DDI2: variants seen among roughly 807,000 people sequenced by gnomAD.
DDI2 encodes DDI proteasomal shuttling factor 2.
In DDI2, 5 loss-of-function variants were observed where a neutral mutation model predicts 48.1. That is an observed-to-expected ratio of 0.10 (90% CI 0.05 to 0.22). The LOEUF is 0.22. Among genes scored for constraint, DDI2 ranks in the 10% least tolerant of loss-of-function variants. DDI2 has a pLI of 1.00. For missense variants in DDI2, 285 were observed against 506.2 expected, an observed-to-expected ratio of 0.56 and a Z score of 4.19; for synonymous variants, 205 against 183.6, an observed-to-expected ratio of 1.12 and a Z score of -0.94.
intron 4 of DDI2, among the ~76,000 whole-genome samples, chr1:15,638,005 TTC>T (rs1639953687): frequency 6.6e-6 from 1 of 152,192 alleles, no homozygotes; most frequent in African/African-American, 2.4e-5. Context: ...AATTCTAACA[TTC>T]TGCCAGAAAA....
rs1640405648 is a variant in DDI2, at chr1:15,663,111, T to G, written c.*3321T>G. 6.6e-6 allele frequency: 1 copy of G among 152,192 alleles called. No individual in the cohort carries two copies. The highest frequency in any genetic ancestry group is 1.5e-5 in the Non-Finnish European group (1 of 68,040). The allele number at this position is 152,192 out of a possible 1,614,324, so 9.4% of individuals were successfully genotyped here. A position where few individuals can be genotyped will look rare whatever the true frequency, so the allele number is the denominator to read the frequency against. ...CTAGCAGGAATCTGAAGTCTTGGTTTTATTGAAAAGAATTTTGAGATTCAT... is the reference window on the plus strand; with the variant it reads ...CTAGCAGGAATCTGAAGTCTTGGTTGTATTGAAAAGAATTTTGAGATTCAT... On this transcript the variant is annotated 3_prime_UTR_variant, in exon 10 of 10. Coordinates refer to ENST00000480945, the MANE Select transcript of DDI2 (RefSeq NM_032341.5).
At chr1:15,645,735 TG>T (rs1332111731) in intron 6 of DDI2, among the ~76,000 whole-genome samples, 2 of 152,052 alleles carry the variant, frequency 1.3e-5, no homozygotes, top group Admixed American at 6.6e-5. Flanking sequence ...CCGGGTGTGG[TG>T]GCAAGTGCCG....
intron 4 of DDI2, among the ~76,000 whole-genome samples, chr1:15,637,446 C>CA (rs1639946367): frequency 6.6e-6 from 1 of 152,160 alleles, no homozygotes; most frequent in Admixed American, 6.6e-5. Context: ...ATCTTGGCTG[C>CA]AACCTCCGCC....
intron 4 of DDI2, among the ~76,000 whole-genome samples, chr1:15,636,779 T>G (rs1181020794): frequency 6.6e-6 from 1 of 152,212 alleles, no homozygotes; most frequent in African/African-American, 2.4e-5. Context: ...TTTCTATAAA[T>G]GGGCAGATAG....
At chr1:15,624,056 AT>A (rs368977375) in intron 1 of DDI2, among the ~76,000 whole-genome samples, 1 of 152,028 alleles carries the variant, frequency 6.6e-6, no homozygotes, top group Non-Finnish European at 1.5e-5. Flanking sequence ...CCGTCTCAAA[AT>A]AAATAAATAA....
At position 15,658,753 on chromosome 1, in the gene DDI2, T is replaced by TAA. The variant is rs1483433138; in HGVS notation, c.*47-1084_*47-1083insAA. ...TGGGCAACAAGAGCAAAACACAGTC[T>TAA]TAAAAAAAAAAAAAAATTCTTACAC... On this transcript the variant is annotated intron_variant, in intron 9 of 9. Coordinates refer to ENST00000480945, the MANE Select transcript of DDI2 (RefSeq NM_032341.5). Among the ~76,000 whole-genome samples, 17 of 54,694 alleles carry TAA rather than the reference T, an allele frequency of 3.1e-4. No homozygotes were observed. The African/African-American group carries it at 3.5e-3, about 11-fold the overall frequency. The allele number at this position is 54,694 out of a possible 152,430, so 35.9% of individuals were successfully genotyped here.
rs893873149 is a variant in DDI2 at position 15,664,817 on chromosome 1, T to C, written c.*5027T>C. 3 of 152,258 alleles carry C rather than the reference T, an allele frequency of 2.0e-5. No individual in the cohort carries two copies. The highest frequency in any genetic ancestry group is 4.4e-5 in the Non-Finnish European group (3 of 68,064). 9.4% of individuals were successfully genotyped at this position (152,258 alleles called of 1,614,324 possible). A position where few individuals can be genotyped will look rare whatever the true frequency, so the allele number is the denominator to read the frequency against. On this transcript the variant is annotated 3_prime_UTR_variant, in exon 10 of 10. Coordinates refer to ENST00000480945, the MANE Select transcript of DDI2 (RefSeq NM_032341.5). ...TGAAGTTGGTTCTTGAGCGGAAAGA[T>C]GTGCTTGGTAACCAGACAGCAGCTT...
intron 6 of DDI2, 53 bp from the exon 7 acceptor site, chr1:15,649,667 G>T: frequency 6.4e-7 from 1 of 1,563,314 alleles, no homozygotes; most frequent in Non-Finnish European, 8.7e-7. Context: ...GCGAAACTCC[G>T]TCTCTGTTTT....
rs910215483 is a variant in DDI2, at chr1:15,652,458, G to C, written c.1183+563G>C. ...CTTTGGGAGGCTCCGGAGGGGGGGG[G>C]GGGGGGGCGGATCACCTGAGGTCAG... On this transcript the variant is annotated intron_variant, in intron 8 of 9. Coordinates refer to ENST00000480945, the MANE Select transcript of DDI2 (RefSeq NM_032341.5). Among the ~76,000 whole-genome samples, 24 of 104,260 alleles carry C rather than the reference G, an allele frequency of 2.3e-4. 8 individuals carry two copies. Among genetic ancestry groups the C allele is most frequent in the South Asian group, 4.3e-4 (1 of 2,338 alleles). 68.4% of individuals were successfully genotyped at this position (104,260 alleles called of 152,430 possible). A position where few individuals can be genotyped will look rare whatever the true frequency, so the allele number is the denominator to read the frequency against.
intron 5 of DDI2, among the ~76,000 whole-genome samples, chr1:15,639,988 C>T (rs1435496911): frequency 6.6e-6 from 1 of 151,396 alleles, no homozygotes; most frequent in Non-Finnish European, 1.5e-5. Context: ...CACTGTGCCC[C>T]AGCCTGGGTG....
rs895243196 is a variant in DDI2 at position 15,668,789 on chromosome 1, T to C, written c.*8999T>C. 1.3e-5 allele frequency: 2 copies of C among 152,146 alleles called. No individual in the cohort carries two copies. The highest frequency in any genetic ancestry group is 4.8e-5 in the African/African-American group (2 of 41,446). 9.4% of individuals were successfully genotyped at this position (152,146 alleles called of 1,614,324 possible). A position where few individuals can be genotyped will look rare whatever the true frequency, so the allele number is the denominator to read the frequency against. The stretch of plus-strand genomic sequence containing the variant: ...GAGAGTTGGGAAAACTCTGAGAACT[T>C]AAGGGAACCAAACTCAGGAATCCCA... On this transcript the variant is annotated 3_prime_UTR_variant, in exon 10 of 10. Coordinates refer to ENST00000480945, the MANE Select transcript of DDI2 (RefSeq NM_032341.5).
intron 3 of DDI2, among the ~76,000 whole-genome samples, chr1:15,633,042 A>G (rs1639871552): frequency 6.7e-6 from 1 of 148,968 alleles, no homozygotes; most frequent in Non-Finnish European, 1.5e-5. Flanking sequence ...CCACCCTTGA[A>G]CCCCCATCCA....
Position 15,617,706 on chromosome 1 carries a change from C to T in DDI2, c.36C>T (p.Leu12=), listed in dbSNP as rs1188958742. 2.5e-6 allele frequency: 4 copies of T among 1,610,138 alleles called. No homozygotes were observed. The highest frequency in any genetic ancestry group is 1.7e-4 in the Middle Eastern group (1 of 6,010). ...LLTVYCVRRD[L]SEVTFSLQVD... is the part of the protein sequence containing the mutation. ...CCGTGTACTGTGTGCGGAGGGACCT[C>T]TCCGAGGTGACCTTTTCCCTCCAGG... is the stretch of plus-strand genomic sequence containing the variant. Residue 12 remains leucine (L), a synonymous_variant, in exon 1 of 10, where the codon CTC becomes CTT. Transcript: ENST00000480945.
chr1:15,631,779 TAG>T (rs1639847092), intron 3 of DDI2, among the ~76,000 whole-genome samples: 1 of 152,106 alleles, frequency 6.6e-6, no homozygotes, highest in Non-Finnish European at 1.5e-5. Context: ...TATGGAATAA[TAG>T]AGTGTCTGCT....
In DDI2 at chr1:15,668,421, C is replaced by CA. The variant is rs1435819784; in HGVS notation, c.*8632dup. 1.3e-5 allele frequency: 2 copies of CA among 152,150 alleles called. No individual in the cohort carries two copies. Among genetic ancestry groups the CA allele is most frequent in the African/African-American group, 4.8e-5 (2 of 41,408 alleles). The allele number at this position is 152,150 out of a possible 1,614,324, so 9.4% of individuals were successfully genotyped here. A position where few individuals can be genotyped will look rare whatever the true frequency, so the allele number is the denominator to read the frequency against. On this transcript the variant is annotated 3_prime_UTR_variant, in exon 10 of 10. Transcript: ENST00000480945. ...TTTGAAATAGTTCTAGTGATAAACT[C>CA]AGAGAAATTCAATATATTGATTGAA...
In DDI2 at chr1:15,661,406, CTT is replaced by C. The variant is rs769394782; in HGVS notation, c.*1618_*1619del. 1.9e-6 allele frequency: 3 copies of C among 1,614,164 alleles called. No individual in the cohort carries two copies. Among genetic ancestry groups the C allele is most frequent in the South Asian group, 1.1e-5 (1 of 91,084 alleles). Reference sequence around the variant, plus strand: ...AATCAGACTTCTGAGCAAACTAAGTCTTTGTCATCCAATTTCATATTGGTTAA... The same window carrying C: ...AATCAGACTTCTGAGCAAACTAAGTCTGTCATCCAATTTCATATTGGTTAA... On this transcript the variant is annotated 3_prime_UTR_variant, in exon 10 of 10. Transcript: ENST00000480945.
intron 7 of DDI2, among the ~76,000 whole-genome samples, chr1:15,650,743 G>C (rs1292579801): frequency 6.6e-6 from 1 of 151,952 alleles, no homozygotes; most frequent in Non-Finnish European, 1.5e-5. Context: ...ACAAAATTGA[G>C]TTAAAAACAA....
At chr1:15,657,726 A>T (rs1239214522) in intron 9 of DDI2, among the ~76,000 whole-genome samples, 1 of 152,236 alleles carries the variant, frequency 6.6e-6, no homozygotes, top group African/African-American at 2.4e-5. Context: ...TTCTGTTAAC[A>T]TTAGTTCAAA....
intron 9 of DDI2, among the ~76,000 whole-genome samples, chr1:15,657,294 T>C (rs1640286728): frequency 6.6e-6 from 1 of 152,226 alleles, no homozygotes; most frequent in Non-Finnish European, 1.5e-5. Context: ...ATACATTGGC[T>C]GACTTACTAA....
Sources: gnomAD v4.1 joint callset for allele counts (sites outside exome capture counted in the v4.1 genomes callset) on GRCh38, gnomAD v4.1.1 for gene constraint, MANE v1.5 for transcripts, NCBI Gene and HGNC (gene_info 2026-07-23, HGNC 2026-07-21) for gene names.